RANBP17: variants seen among roughly 807,000 people sequenced by gnomAD.
RANBP17 encodes the protein RAN binding protein 17.
In RANBP17, 158 loss-of-function variants were observed where a neutral mutation model predicts 141.2. The observed-to-expected ratio is 1.12, with a 90% CI of 0.98 to 1.28. The LOEUF is 1.28. RANBP17 is among the 50% of genes most tolerant of loss of function. RANBP17 has a pLI of 0.00. For missense variants in RANBP17, 1,438 were observed against 1,290.7 expected, an observed-to-expected ratio of 1.11 and a Z score of -1.75; for synonymous variants, 430 against 450.0, an observed-to-expected ratio of 0.96 and a Z score of 0.56.
At chr5:170,978,586 A>G (rs1357322359) in intron 14 of RANBP17, among the ~76,000 whole-genome samples, 1 of 152,184 alleles carries the variant, frequency 6.6e-6, no homozygotes, top group Non-Finnish European at 1.5e-5. Flanking sequence ...CACTTCAGCT[A>G]TGATGAAGAA....
chr5:170,862,320 C>T (rs1766860884), intron 1 of RANBP17, among the ~76,000 whole-genome samples: 1 of 152,176 alleles, frequency 6.6e-6, no homozygotes, highest in Non-Finnish European at 1.5e-5. Context: ...AGGCCCAGGG[C>T]TCGTCCCGGG....
intron 14 of RANBP17, among the ~76,000 whole-genome samples, chr5:171,041,984 A>G (rs1782280746): frequency 6.6e-6 from 1 of 152,024 alleles, no homozygotes; most frequent in Non-Finnish European, 1.5e-5. Context: ...ATAAGTGAGA[A>G]TATGTGGTGT....
rs200303379 is a variant in RANBP17, at chr5:170,916,587, A to T, written c.954+3A>T. On this transcript the variant is annotated splice_donor_region_variant and intron_variant, in intron 9 of 27. Coordinates refer to ENST00000523189, the MANE Select transcript of RANBP17 (RefSeq NM_022897.5). Reference sequence around the variant, plus strand: ...AAAGGATACTTGAAAACCCTCAGGTATTTATGAAGTAATTTAATACTTAGC... The same window carrying T: ...AAAGGATACTTGAAAACCCTCAGGTTTTTATGAAGTAATTTAATACTTAGC... 2.6e-6 allele frequency: 4 copies of T among 1,529,504 alleles called. No individual in the cohort carries two copies. The highest frequency in any genetic ancestry group is 3.5e-6 in the Non-Finnish European group (4 of 1,129,112). The allele number at this position is 1,529,504 out of a possible 1,614,324, so 94.7% of individuals were successfully genotyped here.
chr5:171,008,936 G>A (rs927152244), intron 14 of RANBP17, among the ~76,000 whole-genome samples: 2 of 152,118 alleles, frequency 1.3e-5, no homozygotes, highest in African/African-American at 4.8e-5. Context: ...AAATATAGAT[G>A]CTTCCCAATT....
chr5:171,298,687 A>G, intron 27 of RANBP17, 75 bp from the exon 28 acceptor site: 1 of 1,154,554 alleles, frequency 8.7e-7, no homozygotes, highest in Non-Finnish European at 1.3e-6. Flanking sequence ...GAACTCCAAA[A>G]TGGCCTTATC....
At chr5:171,279,852 A>G (rs1767745355) in intron 25 of RANBP17, among the ~76,000 whole-genome samples, 1 of 152,180 alleles carries the variant, frequency 6.6e-6, no homozygotes, top group Non-Finnish European at 1.5e-5. Flanking sequence ...CATCTAGATT[A>G]TAATTAAGGC....
At chr5:170,929,898 G>C (rs896703996) in intron 12 of RANBP17, among the ~76,000 whole-genome samples, 3 of 152,074 alleles carry the variant, frequency 2.0e-5, no homozygotes, top group African/African-American at 7.2e-5. Context: ...CAAATTTTCT[G>C]TTTCCCTTGG....
rs61652416 is a variant in RANBP17, at chr5:171,038,162, TTGTGTG to T, written c.1710+69814_1710+69819del. ...TTTTGTTTAGATGTATTCTTAGGTA[TTGTGTG>T]TGTGTGTGTGTGTGTGTGTGTGTGT... On this transcript the variant is annotated intron_variant, in intron 14 of 27. Coordinates refer to ENST00000523189, the MANE Select transcript of RANBP17 (RefSeq NM_022897.5). Among the ~76,000 whole-genome samples the T allele has an allele frequency of 8.6e-3, 1,245 of 144,834 alleles. 16 individuals are homozygous for T. Among genetic ancestry groups the T allele is most frequent in the African/African-American group, 0.028 (1,105 of 39,514 alleles).
intron 11 of RANBP17, among the ~76,000 whole-genome samples, chr5:170,922,541 C>G (rs904601059): frequency 6.6e-6 from 1 of 152,164 alleles, no homozygotes; most frequent in Non-Finnish European, 1.5e-5. Context: ...CCCCTTCCCC[C>G]GTCAAGCTGC....
chr5:171,243,180 A>G (rs1764996705), intron 24 of RANBP17: 1 of 186,366 alleles, frequency 5.4e-6, no homozygotes, highest in African/African-American at 2.4e-5. Context: ...TCCTCCTTCT[A>G]ATCAATCCCT....
chr5:171,049,816 C>T (rs1252132562), intron 14 of RANBP17, among the ~76,000 whole-genome samples: 1 of 151,972 alleles, frequency 6.6e-6, no homozygotes, highest in Non-Finnish European at 1.5e-5. Flanking sequence ...CTTTTTTGTT[C>T]CATTGGTGTA....
chr5:171,082,593 C>A (rs1437443396), intron 14 of RANBP17, among the ~76,000 whole-genome samples: 1 of 152,110 alleles, frequency 6.6e-6, no homozygotes, highest in African/African-American at 2.4e-5. Flanking sequence ...ATCCTCTGTT[C>A]TAGTGTGACT....
At chr5:171,011,490 A>C (rs1581391004) in intron 14 of RANBP17, among the ~76,000 whole-genome samples, 1 of 151,874 alleles carries the variant, frequency 6.6e-6, no homozygotes, top group Non-Finnish European at 1.5e-5. Flanking sequence ...ATTTTTTCCA[A>C]TGACATATTT....
At chr5:170,996,628 T>G (rs1383699179) in intron 14 of RANBP17, among the ~76,000 whole-genome samples, 1 of 152,212 alleles carries the variant, frequency 6.6e-6, no homozygotes, top group Non-Finnish European at 1.5e-5. Context: ...TTGCCGTAGG[T>G]GTACATAATG....
At chr5:171,037,267 C>T (rs1781942846) in intron 14 of RANBP17, among the ~76,000 whole-genome samples, 1 of 152,058 alleles carries the variant, frequency 6.6e-6, no homozygotes, top group Non-Finnish European at 1.5e-5. Flanking sequence ...AGTGTTGATT[C>T]ATGTCCTTTG....
At chr5:171,074,582 ACT>A (rs1784808685) in intron 14 of RANBP17, among the ~76,000 whole-genome samples, 1 of 152,160 alleles carries the variant, frequency 6.6e-6, no homozygotes, top group African/African-American at 2.4e-5. Context: ...AACTCTCTGT[ACT>A]CTCTTTGCAA....
intron 25 of RANBP17, among the ~76,000 whole-genome samples, chr5:171,291,557 G>T (rs1366679836): frequency 6.6e-6 from 1 of 152,132 alleles, no homozygotes; most frequent in Non-Finnish European, 1.5e-5. Flanking sequence ...TCTCCTTTTA[G>T]TATTCCTGTA....
intron 14 of RANBP17, among the ~76,000 whole-genome samples, chr5:171,074,762 T>C (rs1784819198): frequency 6.6e-6 from 1 of 152,242 alleles, no homozygotes; most frequent in Non-Finnish European, 1.5e-5. Flanking sequence ...CACTATTACA[T>C]GTTATTGCTA....
chr5:171,290,204 T>A (rs1370560654), intron 25 of RANBP17, among the ~76,000 whole-genome samples: 1 of 151,008 alleles, frequency 6.6e-6, no homozygotes, highest in Non-Finnish European at 1.5e-5. Context: ...CTGTCTCTAC[T>A]AAAAAAATAC....
Sources: allele counts gnomAD v4.1 joint callset (sites outside exome capture counted in the v4.1 genomes callset), GRCh38; gene constraint gnomAD v4.1.1; transcripts MANE v1.5; gene names NCBI Gene and HGNC (gene_info 2026-07-23, HGNC 2026-07-21).